Variants in ZDHHC14 observed in about 807,000 individuals in gnomAD.
The protein encoded by ZDHHC14 is palmitoyltransferase ZDHHC14.
ZDHHC14 carries 16 observed loss-of-function variants against 47.7 expected under a neutral mutation model. The observed-to-expected ratio is 0.34, with a 90% CI of 0.23 to 0.51. ZDHHC14 has a LOEUF of 0.51. Ranked by LOEUF, ZDHHC14 falls within the 20% of genes least tolerant of loss-of-function variation. The pLI is 0.97. For synonymous variants in ZDHHC14, 293 were observed against 278.9 expected, an observed-to-expected ratio of 1.05 and a Z score of -0.50; for missense variants, 515 against 662.5, an observed-to-expected ratio of 0.78 and a Z score of 2.44.
At chr6:157,390,489 C>A (rs1370226404) in intron 1 of ZDHHC14, among the ~76,000 whole-genome samples, 1 of 151,954 alleles carries the variant, frequency 6.6e-6, no homozygotes. Flanking sequence ...TTCTTCAGTA[C>A]CTCTTTTCTT....
intron 2 of ZDHHC14, among the ~76,000 whole-genome samples, chr6:157,569,286 G>C (rs1783016049): frequency 6.6e-6 from 1 of 151,674 alleles, no homozygotes; most frequent in South Asian, 2.1e-4. Context: ...TTAGTCTCTG[G>C]TATGTCTTTG....
chr6:157,552,673 A>G (rs887553667), intron 2 of ZDHHC14, among the ~76,000 whole-genome samples: 2 of 152,180 alleles, frequency 1.3e-5, no homozygotes, highest in African/African-American at 2.4e-5. Flanking sequence ...GGCATGGAAA[A>G]GAGTCCCAGC....
intron 3 of ZDHHC14, among the ~76,000 whole-genome samples, chr6:157,602,635 G>A (rs998337703): frequency 2.6e-5 from 4 of 152,100 alleles, no homozygotes; most frequent in Non-Finnish European, 5.9e-5. Flanking sequence ...GGTACTGAAC[G>A]GTAGGACAGA....
intron 1 of ZDHHC14, among the ~76,000 whole-genome samples, chr6:157,413,276 G>C (rs1777907416): frequency 6.6e-6 from 1 of 152,186 alleles, no homozygotes; most frequent in Non-Finnish European, 1.5e-5. Context: ...CTTCACCACA[G>C]CAGACGACTG....
chr6:157,636,835 G>A (rs571634466), intron 5 of ZDHHC14, among the ~76,000 whole-genome samples: 2 of 152,174 alleles, frequency 1.3e-5, no homozygotes, highest in Admixed American at 6.5e-5. Context: ...GCGAAGCAAG[G>A]TGCTGGGTGC....
chr6:157,421,684 A>G (rs990080262), intron 1 of ZDHHC14, among the ~76,000 whole-genome samples: 3 of 151,610 alleles, frequency 2.0e-5, no homozygotes, highest in Non-Finnish European at 4.4e-5. Context: ...CCCGGCTCAC[A>G]GCAACCTCCG....
chr6:157,440,778 A>C (rs1778545520), intron 1 of ZDHHC14, among the ~76,000 whole-genome samples: 1 of 152,232 alleles, frequency 6.6e-6, no homozygotes, highest in African/African-American at 2.4e-5. Context: ...AACCTTAAAA[A>C]CAGGTGCTAA....
chr6:157,668,300 AG>A (rs970063317), intron 8 of ZDHHC14, among the ~76,000 whole-genome samples: 3 of 152,192 alleles, frequency 2.0e-5, no homozygotes, highest in African/African-American at 7.2e-5. Flanking sequence ...AAATCTGTGT[AG>A]AAGAGGTGCT....
chr6:157,384,052 C>G (rs146616160), intron 1 of ZDHHC14, among the ~76,000 whole-genome samples: 1 of 152,240 alleles, frequency 6.6e-6, no homozygotes, highest in African/African-American at 2.4e-5. Flanking sequence ...ACAGGTGGTC[C>G]TCTAGTTGCA....
intron 2 of ZDHHC14, among the ~76,000 whole-genome samples, chr6:157,570,616 T>C (rs916417542): frequency 5.9e-5 from 9 of 152,198 alleles, no homozygotes; most frequent in African/African-American, 2.2e-4. Context: ...ATGGAAAATA[T>C]AAGGTAGTCA....
intron 1 of ZDHHC14, among the ~76,000 whole-genome samples, chr6:157,523,387 A>G (rs1205872075): frequency 1.3e-5 from 2 of 152,034 alleles, no homozygotes; most frequent in African/African-American, 4.8e-5. Flanking sequence ...ATTGCTATTG[A>G]CTTTTTGTTT....
chr6:157,383,650 T>A (rs1777256803), intron 1 of ZDHHC14, among the ~76,000 whole-genome samples: 1 of 152,210 alleles, frequency 6.6e-6, no homozygotes, highest in Non-Finnish European at 1.5e-5. Context: ...GATCTCTGAT[T>A]TAAGCGAATT....
intron 2 of ZDHHC14, among the ~76,000 whole-genome samples, chr6:157,559,144 CTT>C (rs1352892514): frequency 3.3e-5 from 5 of 152,200 alleles, no homozygotes; most frequent in African/African-American, 1.2e-4. Context: ...TATTTGCACA[CTT>C]TGACAATTAT....
At chr6:157,487,169 C>T (rs911221152) in intron 1 of ZDHHC14, among the ~76,000 whole-genome samples, 2 of 152,214 alleles carry the variant, frequency 1.3e-5, no homozygotes, top group African/African-American at 2.4e-5. Flanking sequence ...CCTTTGACCC[C>T]GGCCCTGGCC....
chr6:157,657,054 ATT>A lies in ZDHHC14; in HGVS notation c.1068+3438_1068+3439del, dbSNP rs35580971. 5.3e-3 allele frequency among the ~76,000 whole-genome samples: 784 copies of A among 148,700 alleles called. 4 individuals are homozygous for A. The highest frequency in any genetic ancestry group is 7.1e-3 in the Non-Finnish European group (479 of 67,140). On this transcript the variant is annotated intron_variant, in intron 8 of 8. Coordinates refer to ENST00000359775, the MANE Select transcript of ZDHHC14 (RefSeq NM_024630.3). ...ATCCGTACACACAAAGGGTATTTGTATTTTTTTTTTTTAAGACAGGGTCTCAC... is the reference window on the plus strand; with the variant it reads ...ATCCGTACACACAAAGGGTATTTGTATTTTTTTTTTAAGACAGGGTCTCAC...
At chr6:157,476,474 C>T (rs1439522025) in intron 1 of ZDHHC14, among the ~76,000 whole-genome samples, 2 of 152,198 alleles carry the variant, frequency 1.3e-5, no homozygotes, top group Admixed American at 1.3e-4. Flanking sequence ...TTCTACCTAA[C>T]ATTTAAAGAC....
chr6:157,676,230 C>G lies in ZDHHC14; in HGVS notation c.*3108C>G, dbSNP rs1006746575. 1 of 151,526 alleles carries G rather than the reference C, an allele frequency of 6.6e-6. No homozygotes were observed. The highest frequency in any genetic ancestry group is 2.4e-5 in the African/African-American group (1 of 41,386). The allele number at this position is 151,526 out of a possible 1,614,324, so 9.4% of individuals were successfully genotyped here. ...AGGAGGGCACAGTGACCTGTCACTCCGTTCTGCAGAAATTGGCCCAGCAGT... is the reference window on the plus strand; with the variant it reads ...AGGAGGGCACAGTGACCTGTCACTCGGTTCTGCAGAAATTGGCCCAGCAGT... On this transcript the variant is annotated 3_prime_UTR_variant, in exon 9 of 9. Transcript: ENST00000359775.
At chr6:157,565,876 T>C (rs1018754594) in intron 2 of ZDHHC14, among the ~76,000 whole-genome samples, 5 of 151,120 alleles carry the variant, frequency 3.3e-5, no homozygotes, top group African/African-American at 1.2e-4. Flanking sequence ...GATAGGAACC[T>C]CTCTCTCCAG....
chr6:157,624,219 T>C (rs1583034370), intron 3 of ZDHHC14, among the ~76,000 whole-genome samples: 1 of 152,174 alleles, frequency 6.6e-6, no homozygotes, highest in East Asian at 1.9e-4. Context: ...AGCCTCCCCA[T>C]TGGAAGGTAT....
Sources: gnomAD v4.1 joint callset for allele counts (sites outside exome capture counted in the v4.1 genomes callset) on GRCh38, gnomAD v4.1.1 for gene constraint, MANE v1.5 for transcripts, NCBI Gene and HGNC (gene_info 2026-07-23, HGNC 2026-07-21) for gene names.